Variants in INVS observed in about 807,000 individuals in gnomAD.
INVS encodes the protein inversion of embryo turning homolog.
Under a neutral mutation model 108.8 loss-of-function variants are expected in INVS, and 86 were observed. The observed-to-expected ratio is 0.79, with a 90% confidence interval of 0.66 to 0.95. INVS has a LOEUF of 0.95. Among genes scored for constraint, INVS ranks in the 40% least tolerant of loss-of-function variants. The pLI, the probability that INVS is intolerant of heterozygous loss-of-function variation, is 0.00. For missense variants in INVS, 1,169 were observed against 1,297.4 expected, an observed-to-expected ratio of 0.90 and a Z score of 1.52; for synonymous variants, 455 against 473.5, an observed-to-expected ratio of 0.96 and a Z score of 0.51.
intron 3 of INVS, among the ~76,000 whole-genome samples, chr9:100,218,669 A>G (rs1197439184): frequency 6.6e-6 from 1 of 152,188 alleles, no homozygotes; most frequent in Non-Finnish European, 1.5e-5. Context: ...TCACTGATTG[A>G]AAGGTGGTCA....
chr9:100,206,055 A>C (rs1830667293), intron 3 of INVS, among the ~76,000 whole-genome samples: 1 of 152,110 alleles, frequency 6.6e-6, no homozygotes, highest in Non-Finnish European at 1.5e-5. Flanking sequence ...TTAAAAGTAA[A>C]CCCATAGTTT....
intron 3 of INVS, among the ~76,000 whole-genome samples, chr9:100,204,481 A>G (rs1262811473): frequency 6.6e-6 from 1 of 152,176 alleles, no homozygotes; most frequent in Non-Finnish European, 1.5e-5. Context: ...GTCTCTTGAT[A>G]TTGTTCAGAG....
At chr9:100,234,611 T>C (rs969177480) in intron 5 of INVS, among the ~76,000 whole-genome samples, 3 of 152,224 alleles carry the variant, frequency 2.0e-5, no homozygotes, top group Non-Finnish European at 4.4e-5. Flanking sequence ...TCTGCTTTTA[T>C]TTCATTATTT....
chr9:100,183,168 A>G (rs1156497831), intron 3 of INVS, among the ~76,000 whole-genome samples: 1 of 152,180 alleles, frequency 6.6e-6, no homozygotes. Context: ...AGAAATACCT[A>G]ATGTAGATGA....
At chr9:100,141,645 C>T (rs567291556) in intron 3 of INVS, among the ~76,000 whole-genome samples, 69 of 152,230 alleles carry the variant, frequency 4.5e-4, no homozygotes, top group African/African-American at 1.5e-3. Context: ...ACTCGGGGCA[C>T]GTGAGTAAAG....
At position 100,293,033 on chromosome 9, in the gene INVS, G is replaced by A. The variant is rs374891838; in HGVS notation, c.2776G>A (p.Ala926Thr). 242 of 1,613,510 alleles carry A rather than the reference G, an allele frequency of 1.5e-4. No individual in the cohort carries two copies. Among genetic ancestry groups the A allele is most frequent in the Admixed American group, 2.3e-4 (14 of 60,006 alleles). The change falls in exon 14 of 17, where the codon GCC becomes ACC. Residue 926 changes from alanine to threonine, a missense_variant. This residue lies in a region of INVS where 533 missense variants were observed against 536.0 expected (regional missense o/e 0.99). Coordinates refer to ENST00000262457, the MANE Select transcript of INVS (RefSeq NM_014425.5). ...CAAGGCAGCAGCAGTCATCCAGCGC[G>A]CCTGGCGAAGGTAGGAAAATGGGGT... The part of the protein sequence containing the change: ...KNKAAAVIQR[A>T]WRSYQLRKHL...
intron 3 of INVS, among the ~76,000 whole-genome samples, chr9:100,192,123 T>C (rs746212315): frequency 7.9e-5 from 12 of 152,126 alleles, no homozygotes; most frequent in Non-Finnish European, 1.6e-4. Context: ...TCAGTTTTCC[T>C]GTTAAGTTCC....
rs1232963122 is a variant in INVS at position 100,292,560 on chromosome 9, C to A, written c.2303C>A (p.Pro768Gln). Residue 768 changes from proline to glutamine, a missense_variant, in exon 14 of 17, where the codon CCA becomes CAA. By Grantham distance (76) the Pro-to-Gln change is moderately conservative. This residue lies in a region of INVS where 533 missense variants were observed against 536.0 expected (regional missense o/e 0.99). Coordinates refer to ENST00000262457, the MANE Select transcript of INVS (RefSeq NM_014425.5). ...TCCAGGCGGGCAGCTGCAAGCCTTC[C>A]ACCGCACGATAGCCACTGGAAGCCC... ...EDSRRAAASL[P>Q]PHDSHWKPSR... 1 of 1,614,160 alleles carries A rather than the reference C, an allele frequency of 6.2e-7. No individual in the cohort carries two copies. Among genetic ancestry groups the A allele is most frequent in the Admixed American group, 1.7e-5 (1 of 60,024 alleles).
At chr9:100,202,139 C>G (rs1424214977) in intron 3 of INVS, among the ~76,000 whole-genome samples, 8 of 151,438 alleles carry the variant, frequency 5.3e-5, no homozygotes. Context: ...CAGATGTGCA[C>G]TGAACTTAAT....
intron 12 of INVS, among the ~76,000 whole-genome samples, chr9:100,277,570 G>T (rs1310185711): frequency 6.6e-6 from 1 of 152,264 alleles, no homozygotes; most frequent in South Asian, 2.1e-4. Context: ...TATGCATTTC[G>T]TGGGAGAGGA....
intron 3 of INVS, among the ~76,000 whole-genome samples, chr9:100,193,776 A>C (rs10819737): frequency 1.3e-5 from 2 of 152,046 alleles, no homozygotes; most frequent in South Asian, 4.1e-4. Flanking sequence ...CCAATGATTT[A>C]TATATTATCA....
rs1830450112 is a variant in INVS, at chr9:100,198,517, C to G, written c.274-27545C>G. ...TGTTGGTCAGGCTGGTCTCGAACTC[C>G]TGACTTCAGGTGATCCGCCCTCCTC... On this transcript the variant is annotated intron_variant, in intron 3 of 16. Transcript: ENST00000262457. Among the ~76,000 whole-genome samples the G allele has an allele frequency of 2.0e-5, 3 of 151,108 alleles. No homozygotes were observed. In the South Asian group the frequency reaches 6.3e-4, roughly 32 times the overall value.
intron 3 of INVS, among the ~76,000 whole-genome samples, chr9:100,210,620 T>C (rs1025563364): frequency 6.6e-6 from 1 of 152,216 alleles, no homozygotes; most frequent in African/African-American, 2.4e-5. Context: ...CTATCCTGTC[T>C]TTGTGTTCTG....
chr9:100,131,394 A>C (rs567870146), intron 3 of INVS, among the ~76,000 whole-genome samples: 191 of 152,298 alleles, frequency 1.3e-3, no homozygotes, highest in African/African-American at 4.5e-3. Flanking sequence ...GCACATGTTC[A>C]CTTCTCTGGA....
chr9:100,172,119 G>C (rs1829560800), intron 3 of INVS, among the ~76,000 whole-genome samples: 1 of 151,892 alleles, frequency 6.6e-6, no homozygotes, highest in African/African-American at 2.4e-5. Flanking sequence ...AAAAAAAAAT[G>C]TATTCAAGCA....
At chr9:100,104,369 C>T (rs1564114200) in intron 1 of INVS, 129 bp from the exon 2 acceptor site, 2 of 689,124 alleles carry the variant, frequency 2.9e-6, no homozygotes, top group East Asian at 5.5e-5. Context: ...CCAGCCAGGA[C>T]TATAGATTTT....
intron 3 of INVS, among the ~76,000 whole-genome samples, chr9:100,145,695 C>T (rs924311561): frequency 2.0e-5 from 3 of 152,080 alleles, no homozygotes; most frequent in Admixed American, 6.6e-5. Context: ...CAGGCGTCCC[C>T]GTGTGGTCAG....
intron 3 of INVS, among the ~76,000 whole-genome samples, chr9:100,153,079 A>G (rs772807822): frequency 6.6e-6 from 1 of 151,922 alleles, no homozygotes; most frequent in Non-Finnish European, 1.5e-5. Context: ...TAATTGGATT[A>G]TAATGCTTAC....
chr9:100,144,569 TA>T lies in INVS; in HGVS notation c.273+18022del, dbSNP rs566522131. Among the ~76,000 whole-genome samples the T allele has an allele frequency of 1.6e-4, 24 of 152,230 alleles. No homozygotes were observed. The East Asian group carries it at 4.7e-3, about 30-fold the overall frequency. ...AGGTCGGATAAAGAAAAAGGAGCAT[TA>T]ACCTTGACTATGCCTTTAGCTCCAG... On this transcript the variant is annotated intron_variant, in intron 3 of 16. Transcript: ENST00000262457.
Sources: gnomAD v4.1 joint callset for allele counts (sites outside exome capture counted in the v4.1 genomes callset) on GRCh38, gnomAD v4.1.1 for gene constraint, gnomAD v4.1.1 regional missense constraint, MANE v1.5 for transcripts, NCBI Gene and HGNC (gene_info 2026-07-23, HGNC 2026-07-21) for gene names.